Variants in KLF8 observed in about 807,000 individuals in gnomAD.
The protein encoded by KLF8 is Krueppel-like factor 8.
KLF8 carries 10 observed loss-of-function variants against 18.2 expected under a neutral mutation model. The ratio of observed to expected loss-of-function variants is 0.55; its 90% CI spans 0.34 to 0.93. The LOEUF is 0.93. Ranked by LOEUF, KLF8 falls within the 40% of genes least tolerant of loss-of-function variation. KLF8 has a pLI of 0.02. For synonymous variants in KLF8, 109 were observed against 97.3 expected, an observed-to-expected ratio of 1.12 and a Z score of -0.71; for missense variants, 264 against 277.9, an observed-to-expected ratio of 0.95 and a Z score of 0.36.
chrX:56,258,522 G>T (rs1223614399), intron 2 of KLF8, among the ~76,000 whole-genome samples: 1 of 112,102 alleles, frequency 8.9e-6, no homozygotes, highest in African/African-American at 3.2e-5. Flanking sequence ...TGATCTGCCA[G>T]CCTCGGCCTC....
At chrX:55,989,295 A>G in the KLF8 span, among the ~76,000 whole-genome samples, 1 of 112,045 alleles carries the variant, frequency 8.9e-6, no homozygotes, top group Non-Finnish European at 1.9e-5. Flanking sequence ...TTCAAAAGGA[A>G]TGCTTCCAGT....
chrX:56,040,554 C>A, the KLF8 span, among the ~76,000 whole-genome samples: 5 of 111,300 alleles, frequency 4.5e-5, no homozygotes, highest in East Asian at 8.4e-4. Context: ...TTGAACCAAC[C>A]TTGCATCTCT....
chrX:56,125,715 A>G, the KLF8 span, among the ~76,000 whole-genome samples: 2 of 112,421 alleles, frequency 1.8e-5, no homozygotes, highest in Admixed American at 9.4e-5. Context: ...TAACAGGGAT[A>G]GCTCAAATCT....
Position 56,265,647 on chromosome X carries a change from G to C in KLF8, c.549G>C (p.Gln183His). The stretch of plus-strand genomic sequence containing the variant: ...TGAAGACCATCCCAGTGGTAGTGCA[G>C]TCTCTGCCCATGGTGTATACTACTT... ...GGLKTIPVVV[Q>H]SLPMVYTTLP... Residue 183 changes from glutamine (Q) to histidine (H), a missense_variant, in exon 3 of 6, where the codon CAG becomes CAC. Gln to His is a conservative substitution (Grantham distance 24). Coordinates refer to ENST00000468660, the MANE Select transcript of KLF8 (RefSeq NM_007250.5). The C allele has an allele frequency of 8.3e-7, 1 of 1,211,158 alleles. No homozygotes were observed.
At chrX:56,185,618 C>A in the KLF8 span, among the ~76,000 whole-genome samples, 3 of 111,700 alleles carry the variant, frequency 2.7e-5, no homozygotes, top group Admixed American at 2.9e-4. Flanking sequence ...TAAGAGCAGC[C>A]AGAGAGAAAG....
the KLF8 span, among the ~76,000 whole-genome samples, chrX:56,176,712 C>T: frequency 9.0e-6 from 1 of 111,414 alleles, no homozygotes; most frequent in East Asian, 2.8e-4. Flanking sequence ...CAACTTGGTT[C>T]CATTCTCCCT....
the KLF8 span, among the ~76,000 whole-genome samples, chrX:55,940,208 C>G: frequency 8.9e-6 from 1 of 112,012 alleles, no homozygotes; most frequent in African/African-American, 3.2e-5. Flanking sequence ...TCCTGGGATG[C>G]AAGCCTGGTT....
chrX:56,000,579 G>T, the KLF8 span, among the ~76,000 whole-genome samples: 2 of 108,686 alleles, frequency 1.8e-5, no homozygotes, highest in Non-Finnish European at 3.8e-5. Flanking sequence ...TTGGGAGTTT[G>T]TATGTTTCCA....
the KLF8 span, among the ~76,000 whole-genome samples, chrX:56,203,340 G>A: frequency 1.8e-5 from 2 of 111,981 alleles, no homozygotes; most frequent in African/African-American, 6.5e-5. Flanking sequence ...GTGTCAGAAA[G>A]GTAGTTTGCA....
the KLF8 span, chrX:55,908,196 T>C: frequency 3.9e-5 from 8 of 206,755 alleles, no homozygotes; most frequent in Non-Finnish European, 7.0e-5. Flanking sequence ...CCGGAAGAAG[T>C]TTGGGTGCAG....
rs1214422761 is a variant in KLF8 at position 56,291,007 on chromosome X, A to G, written c.*6513A>G. On this transcript the variant is annotated 3_prime_UTR_variant, in exon 6 of 6. Transcript: ENST00000468660. ...CTGTATGCCATGCTGTTTTCATTGTATCACAGAATTAAAAGGGGAAGAGAG... is the reference window on the plus strand; with the variant it reads ...CTGTATGCCATGCTGTTTTCATTGTGTCACAGAATTAAAAGGGGAAGAGAG... Among the ~76,000 whole-genome samples the G allele has an allele frequency of 1.8e-5, 2 of 111,184 alleles. No individual in the cohort carries two copies. Among genetic ancestry groups the G allele is most frequent in the Non-Finnish European group, 3.8e-5 (2 of 52,982 alleles).
the KLF8 span, among the ~76,000 whole-genome samples, chrX:56,111,908 G>T: frequency 8.9e-6 from 1 of 112,040 alleles, no homozygotes; most frequent in African/African-American, 3.2e-5. Flanking sequence ...TTCAATTATT[G>T]TGGAAGACAG....
the KLF8 span, among the ~76,000 whole-genome samples, chrX:55,952,420 G>T: frequency 1.2e-4 from 13 of 112,189 alleles, no homozygotes; most frequent in Admixed American, 2.8e-4. Context: ...TAAAATCAAA[G>T]TGTTGGATAC....
the KLF8 span, among the ~76,000 whole-genome samples, chrX:56,177,422 T>C: frequency 3.2e-4 from 36 of 111,218 alleles, no homozygotes; most frequent in Non-Finnish European, 5.3e-4. Context: ...CAGTGGATAC[T>C]GGTGAGCAGC....
At chrX:56,052,573 G>T in the KLF8 span, among the ~76,000 whole-genome samples, 1 of 111,804 alleles carries the variant, frequency 8.9e-6, no homozygotes, top group African/African-American at 3.3e-5. Context: ...TCCCAGTTAG[G>T]CTGCCCGGGG....
the KLF8 span, among the ~76,000 whole-genome samples, chrX:56,049,510 A>T: frequency 7.3e-5 from 8 of 108,880 alleles, no homozygotes; most frequent in East Asian, 2.3e-3. Context: ...CTTTTTCTGC[A>T]TCTATGGAGA....
At chrX:55,941,128 G>T in the KLF8 span, among the ~76,000 whole-genome samples, 1 of 111,751 alleles carries the variant, frequency 8.9e-6, no homozygotes, top group Non-Finnish European at 1.9e-5. Context: ...TATACTACAA[G>T]GCTACAGTAA....
the KLF8 span, among the ~76,000 whole-genome samples, chrX:56,180,407 A>C: frequency 1.8e-5 from 2 of 110,957 alleles, no homozygotes; most frequent in South Asian, 7.7e-4. Flanking sequence ...GATCTTTTCC[A>C]AAAACCCTCT....
At chrX:55,929,157 G>A in the KLF8 span, among the ~76,000 whole-genome samples, 943 of 112,297 alleles carry the variant, frequency 8.4e-3, 11 homozygotes, top group African/African-American at 0.029. Context: ...TTTGTTGGCC[G>A]CATAAATGTC....
Sources: gnomAD v4.1 joint callset for allele counts (sites outside exome capture counted in the v4.1 genomes callset) on GRCh38, gnomAD v4.1.1 for gene constraint, MANE v1.5 for transcripts, NCBI Gene and HGNC (gene_info 2026-07-23, HGNC 2026-07-21) for gene names.